TRAPPC12: variants seen among roughly 807,000 people sequenced by gnomAD.
The protein encoded by TRAPPC12 is trafficking protein particle complex subunit 12.
In TRAPPC12, 61 loss-of-function variants were observed where a neutral mutation model predicts 69.2. The ratio of observed to expected loss-of-function variants is 0.88; its 90% CI spans 0.72 to 1.09. The LOEUF is 1.09. TRAPPC12 is among the 50% of genes least tolerant of loss of function. The probability of loss-of-function intolerance (pLI) is 0.00; values close to 1 mark genes in which losing one functional copy is unlikely to be tolerated. For synonymous variants in TRAPPC12, 469 were observed against 438.9 expected (o/e 1.07, Z -0.86); for missense variants, 1,101 against 1,016.4 (o/e 1.08, Z -1.13).
chr2:3,479,468 C>A lies in TRAPPC12; in HGVS notation c.*7C>A. On this transcript the variant is annotated 3_prime_UTR_variant, in exon 12 of 12. Transcript: ENST00000324266. ...GTGCCTCAAGCTGGCCTAGCTGCCT[C>A]CAACACACTACGTCAGAAGGACCCG... 1 of 1,613,478 alleles carries A rather than the reference C, an allele frequency of 6.2e-7. No individual in the cohort carries two copies. Among genetic ancestry groups the A allele is most frequent in the Non-Finnish European group, 8.5e-7 (1 of 1,179,790 alleles).
intron 3 of TRAPPC12, among the ~76,000 whole-genome samples, chr2:3,413,063 G>A (rs949049979): frequency 3.9e-5 from 6 of 152,176 alleles, no homozygotes; most frequent in Admixed American, 3.9e-4. Context: ...TACTTTTAGT[G>A]CAGAAGGACA....
chr2:3,389,605 T>TAACGGCTCTA, intron 2 of TRAPPC12: 1 of 462,746 alleles, frequency 2.2e-6, no homozygotes, highest in South Asian at 1.6e-5. Context: ...ACGGGCATCT[T>TAACGGCTCTA]AACGGCTCTA....
At chr2:3,424,418 T>C (rs1662981339) in intron 4 of TRAPPC12, 107 bp from the exon 5 acceptor site, 2 of 954,284 alleles carry the variant, frequency 2.1e-6, no homozygotes, top group African/African-American at 3.4e-5. Context: ...TTAGCCCTTA[T>C]TTTAATATAT....
intron 9 of TRAPPC12, chr2:3,466,483 T>G (rs11677515): frequency 0.46 from 199,152 of 436,658 alleles, 47,869 homozygotes; most frequent in African/African-American, 0.7. Context: ...GGTTAAGTGA[T>G]ATCCAGCTAC....
At chr2:3,407,653 T>G (rs1661803374) in intron 3 of TRAPPC12, among the ~76,000 whole-genome samples, 1 of 151,756 alleles carries the variant, frequency 6.6e-6, no homozygotes, top group Non-Finnish European at 1.5e-5. Flanking sequence ...ATACAAAAAA[T>G]TAGCCGGGCG....
chr2:3,384,904 A>T (rs1189672400), intron 1 of TRAPPC12, among the ~76,000 whole-genome samples: 1 of 152,158 alleles, frequency 6.6e-6, no homozygotes, highest in African/African-American at 2.4e-5. Context: ...GGAAGACTTA[A>T]CTACTGGTTA....
intron 9 of TRAPPC12, chr2:3,466,114 T>G: frequency 2.0e-5 from 8 of 399,532 alleles, no homozygotes; most frequent in South Asian, 1.5e-4. Flanking sequence ...GTGGTCTCAG[T>G]AATGCACAAA....
chr2:3,415,748 G>A (rs1161447759), intron 3 of TRAPPC12, among the ~76,000 whole-genome samples: 2 of 142,412 alleles, frequency 1.4e-5, no homozygotes, highest in African/African-American at 2.7e-5. Flanking sequence ...GCAGAGTCTC[G>A]CTCTGTTGCC....
chr2:3,390,664 A>G (rs925685250), intron 2 of TRAPPC12, among the ~76,000 whole-genome samples: 9 of 152,212 alleles, frequency 5.9e-5, no homozygotes, highest in East Asian at 1.9e-4. Flanking sequence ...TGCTGGGTAC[A>G]TGTTGTTATT....
At chr2:3,449,548 A>G (rs1174078476) in intron 6 of TRAPPC12, 2 of 152,254 alleles carry the variant, frequency 1.3e-5, no homozygotes, top group South Asian at 2.1e-4. Flanking sequence ...TTGCTTCTCT[A>G]TTGATAATTG....
rs1294496595 is a variant in TRAPPC12, at chr2:3,478,777, G to A, written c.1878-69G>A. 1.6e-5 allele frequency: 22 copies of A among 1,398,376 alleles called. No homozygotes were observed. The East Asian group carries it at 4.6e-4, about 29-fold the overall frequency. 86.6% of individuals were successfully genotyped at this position (1,398,376 alleles called of 1,614,324 possible). ...GGTCTCTGTGGGATCCAAAGCCCCT[G>A]TGGGTTGTGTTGGGGGACAGCAGCT... On this transcript the variant is annotated intron_variant, in intron 10 of 11. Transcript: ENST00000324266.
At chr2:3,466,908 C>G (rs898424544) in intron 9 of TRAPPC12, among the ~76,000 whole-genome samples, 1 of 152,220 alleles carries the variant, frequency 6.6e-6, no homozygotes, top group African/African-American at 2.4e-5. Context: ...GTAACATTAT[C>G]CCCTGGTTAT....
At chr2:3,430,439 C>T (rs1663361914) in intron 5 of TRAPPC12, among the ~76,000 whole-genome samples, 1 of 152,216 alleles carries the variant, frequency 6.6e-6, no homozygotes, top group Non-Finnish European at 1.5e-5. Context: ...CTGATTTCTG[C>T]CGAATTATGT....
intron 9 of TRAPPC12, among the ~76,000 whole-genome samples, chr2:3,476,086 T>C (rs1666281287): frequency 1.3e-5 from 2 of 152,188 alleles, no homozygotes; most frequent in African/African-American, 4.8e-5. Context: ...TTCAAACGGC[T>C]TCGGACTGTG....
At chr2:3,444,194 G>T (rs552470502) in intron 6 of TRAPPC12, among the ~76,000 whole-genome samples, 1 of 152,338 alleles carries the variant, frequency 6.6e-6, no homozygotes, top group East Asian at 1.9e-4. Context: ...AAGCTTCAAG[G>T]TCAGTGTGCC....
At position 3,431,593 on chromosome 2, in the gene TRAPPC12, A is replaced by AT. The variant is rs11368277; in HGVS notation, c.1417+6941dup. Among the ~76,000 whole-genome samples the AT allele has an allele frequency of 7.1e-3, 1,049 of 148,094 alleles. 9 individuals carry two copies. The highest frequency in any genetic ancestry group is 0.024 in the African/African-American group (971 of 40,422). On this transcript the variant is annotated intron_variant, in intron 5 of 11. Transcript: ENST00000324266. ...CCTTCTTTCTTTAATTTTCTTTTAG[A>AT]TTTTTTTTTTTATTTTTTAAATTGT... is the stretch of plus-strand genomic sequence containing the variant.
At chr2:3,448,932 T>C (rs986800370) in intron 6 of TRAPPC12, among the ~76,000 whole-genome samples, 1 of 152,196 alleles carries the variant, frequency 6.6e-6, no homozygotes, top group African/African-American at 2.4e-5. Flanking sequence ...CATGTGTGTT[T>C]TAGATTAGAA....
rs1246018777 is a variant in TRAPPC12 at position 3,478,019 on chromosome 2, G to C, written c.1877+224G>C. 4.7e-5 allele frequency: 19 copies of C among 401,198 alleles called. No individual in the cohort carries two copies. In the East Asian group the frequency reaches 7.3e-4, roughly 15 times the overall value. The allele number at this position is 401,198 out of a possible 1,614,324, so 24.9% of individuals were successfully genotyped here. A position where few individuals can be genotyped will look rare whatever the true frequency, so the allele number is the denominator to read the frequency against. On this transcript the variant is annotated intron_variant, in intron 10 of 11. Coordinates refer to ENST00000324266, the MANE Select transcript of TRAPPC12 (RefSeq NM_016030.6). ...GATTTTTAAGGAGCTATTCCCCCTT[G>C]TTCTTCAGAGAAGCGCTTGTATTGC...
At chr2:3,475,739 T>G (rs1475466059) in intron 9 of TRAPPC12, among the ~76,000 whole-genome samples, 2 of 152,162 alleles carry the variant, frequency 1.3e-5, no homozygotes, top group African/African-American at 4.8e-5. Flanking sequence ...GCCTGGGTGT[T>G]GACCACAGTG....
Sources: allele counts gnomAD v4.1 joint callset (sites outside exome capture counted in the v4.1 genomes callset), GRCh38; gene constraint gnomAD v4.1.1; transcripts MANE v1.5; gene names NCBI Gene and HGNC (gene_info 2026-07-23, HGNC 2026-07-21).